The following MACROD2 variants were observed in gnomAD, a reference collection of about 807,000 sequenced individuals.
The protein encoded by MACROD2 is mono-ADP ribosylhydrolase 2, also known as ADP-ribose glycohydrolase MACROD2.
Under a neutral mutation model 70.4 loss-of-function variants are expected in MACROD2, and 36 were observed. The observed-to-expected ratio is 0.51, with a 90% CI of 0.39 to 0.68. The LOEUF (loss-of-function observed/expected upper bound fraction) is 0.68, where lower values mean the gene tolerates loss of function less well. MACROD2 is among the 30% of genes least tolerant of loss of function. The pLI, the probability that MACROD2 is intolerant of heterozygous loss-of-function variation, is 0.00. For synonymous variants in MACROD2, 172 were observed against 178.8 expected, an observed-to-expected ratio of 0.96 and a Z score of 0.30; for missense variants, 496 against 538.4, an observed-to-expected ratio of 0.92 and a Z score of 0.78.
chr20:15,972,016 A>G (rs1279086765), intron 13 of MACROD2, among the ~76,000 whole-genome samples: 3 of 152,248 alleles, frequency 2.0e-5, no homozygotes, highest in Non-Finnish European at 4.4e-5. Flanking sequence ...TTAATTCGAG[A>G]CAAAGAAGTT....
rs200542743 is a variant in MACROD2 at position 15,820,043 on chromosome 20, A to AT, written c.646-42692dup. On this transcript the variant is annotated intron_variant, in intron 8 of 17. Coordinates refer to ENST00000684519, the MANE Select transcript of MACROD2 (RefSeq NM_001351661.2). ...TGCAAATCTTAAATATACACAATAG[A>AT]TTTTTTTTTTAAGCAGCTCTTTAAA... Among the ~76,000 whole-genome samples, 124 of 150,688 alleles carry AT rather than the reference A, an allele frequency of 8.2e-4. 1 individual carries two copies. The highest frequency in any genetic ancestry group is 3.8e-3 in the South Asian group (18 of 4,772).
chr20:15,424,664 A>G lies in MACROD2; in HGVS notation c.541-6741A>G, dbSNP rs2046274343. ...GAGCACAGGACTTTGAGGCTGCAGT[A>G]TGATAGGACTGCACCACTGTACTCC... On this transcript the variant is annotated intron_variant, in intron 6 of 17. Coordinates refer to ENST00000684519, the MANE Select transcript of MACROD2 (RefSeq NM_001351661.2). Among the ~76,000 whole-genome samples, 3 of 152,140 alleles carry G rather than the reference A, an allele frequency of 2.0e-5. No homozygotes were observed. In the South Asian group the frequency reaches 6.2e-4, roughly 31 times the overall value.
intron 2 of MACROD2, among the ~76,000 whole-genome samples, chr20:14,081,474 G>A (rs563510053): frequency 1.7e-3 from 255 of 152,278 alleles, no homozygotes; most frequent in Non-Finnish European, 2.7e-3. Flanking sequence ...TTACTGTCAT[G>A]TGTTTACACT....
intron 3 of MACROD2, among the ~76,000 whole-genome samples, chr20:14,219,720 T>A (rs918828546): frequency 6.6e-6 from 1 of 152,194 alleles, no homozygotes; most frequent in African/African-American, 2.4e-5. Context: ...CACAGGGTGT[T>A]CCCTTGATGT....
intron 3 of MACROD2, among the ~76,000 whole-genome samples, chr20:14,192,749 A>G (rs1007713708): frequency 6.6e-6 from 1 of 152,146 alleles, no homozygotes; most frequent in African/African-American, 2.4e-5. Flanking sequence ...TATGCGTAGT[A>G]ATTTCATAGC....
chr20:15,473,980 C>A (rs1177142055), intron 7 of MACROD2, among the ~76,000 whole-genome samples: 1 of 152,198 alleles, frequency 6.6e-6, no homozygotes, highest in Non-Finnish European at 1.5e-5. Context: ...AGATTTGAAT[C>A]CTGGCTCAAG....
At chr20:14,085,166 C>CAA (rs11482652) in intron 2 of MACROD2, among the ~76,000 whole-genome samples, 10,327 of 147,128 alleles carry the variant, frequency 0.07, 463 homozygotes, top group Middle Eastern at 0.1. Flanking sequence ...ATTCCCTCTC[C>CAA]AAAAAAAAAG....
intron 8 of MACROD2, among the ~76,000 whole-genome samples, chr20:15,689,845 C>G (rs188728868): frequency 6.6e-6 from 1 of 152,310 alleles, no homozygotes; most frequent in East Asian, 1.9e-4. Flanking sequence ...GGAGAAAGCC[C>G]TGTGAGATTC....
chr20:14,531,145 C>G (rs2085298333), intron 4 of MACROD2, among the ~76,000 whole-genome samples: 1 of 152,090 alleles, frequency 6.6e-6, no homozygotes, highest in African/African-American at 2.4e-5. Flanking sequence ...AAAATTGAGG[C>G]AGGTGTAGTA....
intron 17 of MACROD2, among the ~76,000 whole-genome samples, chr20:16,046,837 C>T (rs565585285): frequency 5.3e-5 from 8 of 151,890 alleles, no homozygotes; most frequent in Admixed American, 5.3e-4. Flanking sequence ...CGTACCACCA[C>T]AACTGGCTAA....
intron 3 of MACROD2, among the ~76,000 whole-genome samples, chr20:14,160,341 C>T (rs1383541954): frequency 6.6e-6 from 1 of 152,144 alleles, no homozygotes; most frequent in East Asian, 1.9e-4. Context: ...GCATTGAAGC[C>T]ATTTGGTCCC....
At chr20:14,724,952 C>T (rs1430045209) in intron 5 of MACROD2, among the ~76,000 whole-genome samples, 1 of 152,094 alleles carries the variant, frequency 6.6e-6, no homozygotes, top group Non-Finnish European at 1.5e-5. Flanking sequence ...GAGGCTACTG[C>T]AATAGCCCAG....
At chr20:14,039,029 A>C (rs2053354229) in intron 2 of MACROD2, among the ~76,000 whole-genome samples, 1 of 152,194 alleles carries the variant, frequency 6.6e-6, no homozygotes, top group African/African-American at 2.4e-5. Context: ...AAACTGGAGT[A>C]TTAACATATG....
At chr20:14,789,510 T>C (rs371403205) in intron 5 of MACROD2, among the ~76,000 whole-genome samples, 127 of 138,426 alleles carry the variant, frequency 9.2e-4, no homozygotes, top group African/African-American at 3.1e-3. Context: ...AGTTTCACTG[T>C]TGTTGCCCAG....
In MACROD2 at chr20:15,803,328, G is replaced by T. The variant is rs148792199; in HGVS notation, c.646-59417G>T. Among the ~76,000 whole-genome samples the T allele has an allele frequency of 6.6e-4, 101 of 152,188 alleles. 1 individual carries two copies. Among genetic ancestry groups the T allele is most frequent in the African/African-American group, 2.2e-3 (91 of 41,480 alleles). On this transcript the variant is annotated intron_variant, in intron 8 of 17. Transcript: ENST00000684519. The stretch of plus-strand genomic sequence containing the variant: ...TTTGATGGCTTTAAAATGAAGCTGA[G>T]ATTCTTCTCAGCTGGACAGTGGAAA...
At chr20:15,942,056 T>C (rs921855173) in intron 12 of MACROD2, among the ~76,000 whole-genome samples, 1 of 152,188 alleles carries the variant, frequency 6.6e-6, no homozygotes, top group African/African-American at 2.4e-5. Context: ...AGTTGAAGAA[T>C]TTCAAAAGGA....
At chr20:14,432,696 C>T (rs927093180) in intron 3 of MACROD2, among the ~76,000 whole-genome samples, 10 of 151,938 alleles carry the variant, frequency 6.6e-5, no homozygotes, top group African/African-American at 1.9e-4. Context: ...AGGTATGAGG[C>T]CTTTTCAGAG....
intron 8 of MACROD2, among the ~76,000 whole-genome samples, chr20:15,502,296 A>T (rs4814390): frequency 6.6e-6 from 1 of 152,140 alleles, no homozygotes; most frequent in African/African-American, 2.4e-5. Flanking sequence ...CATTCCACAC[A>T]GAGAGAACCA....
intron 2 of MACROD2, among the ~76,000 whole-genome samples, chr20:14,070,726 T>C (rs2053826627): frequency 6.6e-6 from 1 of 152,170 alleles, no homozygotes; most frequent in African/African-American, 2.4e-5. Flanking sequence ...TCTGATATCA[T>C]TAGACAACTT....
Sources: allele counts gnomAD v4.1 joint callset (sites outside exome capture counted in the v4.1 genomes callset), GRCh38; gene constraint gnomAD v4.1.1; transcripts MANE v1.5; gene names NCBI Gene and HGNC (gene_info 2026-07-23, HGNC 2026-07-21).